The following DTNA variants were observed in gnomAD, a reference collection of about 807,000 sequenced individuals.
DTNA encodes the protein dystrobrevin alpha.
Under a neutral mutation model 100.7 loss-of-function variants are expected in DTNA, and 43 were observed. That is an observed-to-expected ratio of 0.43 (90% CI 0.33 to 0.55). DTNA has a LOEUF of 0.55. DTNA is among the 20% of genes least tolerant of loss of function. DTNA has a pLI of 0.04. For synonymous variants in DTNA, 349 were observed against 347.9 expected (o/e 1.00, Z -0.04); for missense variants, 798 against 953.9 (o/e 0.84, Z 2.15).
At chr18:34,768,595 C>A (rs780478941) in intron 3 of DTNA, among the ~76,000 whole-genome samples, 48 of 152,172 alleles carry the variant, frequency 3.2e-4, no homozygotes, top group Non-Finnish European at 6.0e-4. Flanking sequence ...CCTTATCCTG[C>A]ATCCAGAATT....
At position 34,677,795 on chromosome 18, in the gene DTNA, A is replaced by G. The variant is rs569782989; in HGVS notation, c.-1-78181A>G. ...CAAACAGAAGATGTATATGCCTAGA[A>G]TCATAGCACAGGGAAAGACTGTTGG... On this transcript the variant is annotated intron_variant, in intron 1 of 19. Transcript: ENST00000283365. 4.7e-4 allele frequency among the ~76,000 whole-genome samples: 71 copies of G among 152,318 alleles called. 1 individual carries two copies. The South Asian group carries it at 0.014, about 31-fold the overall frequency.
chr18:34,840,439 T>C (rs2096247411), intron 13 of DTNA, among the ~76,000 whole-genome samples: 1 of 151,242 alleles, frequency 6.6e-6, no homozygotes, highest in Non-Finnish European at 1.5e-5. Context: ...GTAGATTCAA[T>C]TGTAAGACTA....
chr18:34,860,584 G>A (rs1027050747), intron 16 of DTNA, among the ~76,000 whole-genome samples: 3 of 152,112 alleles, frequency 2.0e-5, no homozygotes, highest in Non-Finnish European at 2.9e-5. Context: ...GGATGTTTCC[G>A]GAGGCTCTAT....
chr18:34,608,111 A>G (rs148832682), intron 1 of DTNA, among the ~76,000 whole-genome samples: 1 of 152,300 alleles, frequency 6.6e-6, no homozygotes, highest in Non-Finnish European at 1.5e-5. Context: ...GACAGACTCA[A>G]TTATAATTTT....
intron 1 of DTNA, among the ~76,000 whole-genome samples, chr18:34,679,841 G>A (rs572833614): frequency 6.6e-6 from 1 of 152,146 alleles, no homozygotes; most frequent in Non-Finnish European, 1.5e-5. Context: ...CATCTGAACT[G>A]TGAGCTATAT....
intron 1 of DTNA, among the ~76,000 whole-genome samples, chr18:34,570,442 G>A (rs1169257713): frequency 6.6e-6 from 1 of 152,192 alleles, no homozygotes; most frequent in Non-Finnish European, 1.5e-5. Context: ...CTCTTTGAAA[G>A]CAGGGACAGA....
intron 1 of DTNA, among the ~76,000 whole-genome samples, chr18:34,696,654 A>G (rs954341578): frequency 1.3e-5 from 2 of 152,186 alleles, no homozygotes; most frequent in Non-Finnish European, 2.9e-5. Flanking sequence ...CACCTCATGC[A>G]CTGCCATTGC....
Position 34,879,571 on chromosome 18 carries a change from A to C in DTNA, c.2014A>C (p.Ser672Arg). The C allele has an allele frequency of 6.2e-7, 1 of 1,614,030 alleles. No individual in the cohort carries two copies. The highest frequency in any genetic ancestry group is 1.3e-5 in the African/African-American group (1 of 74,998). The change falls in exon 20 of 23, where the codon AGT becomes CGT. Residue 672 changes from serine to arginine, a missense_variant. By Grantham distance (110) the Ser-to-Arg change is moderately radical. Coordinates refer to ENST00000444659, the MANE Select transcript of DTNA (RefSeq NM_001386795.1). ...GCTAGAGGTTGGGAGTGAAACAGAG[A>C]GTAATGTGGATTCTGAATTTGCACG... ...LNSEVGSETE[S>R]NVDSEFARTQ... is the part of the protein sequence containing the mutation.
chr18:34,819,987 TACTTTCA>T (rs2095672237), intron 8 of DTNA, among the ~76,000 whole-genome samples: 3 of 147,752 alleles, frequency 2.0e-5, no homozygotes, highest in Admixed American at 6.7e-5. Context: ...TTTTTGCCAT[TACTTTCA>T]AATGGCAAAA....
intron 1 of DTNA, among the ~76,000 whole-genome samples, chr18:34,673,502 A>T (rs2077025717): frequency 6.7e-6 from 1 of 148,318 alleles, no homozygotes; most frequent in Non-Finnish European, 1.5e-5. Context: ...CAACAGAAAG[A>T]TACGCAGAGC....
intron 17 of DTNA, among the ~76,000 whole-genome samples, chr18:34,865,618 G>T (rs1045615572): frequency 6.6e-6 from 1 of 152,046 alleles, no homozygotes; most frequent in Non-Finnish European, 1.5e-5. Context: ...GCTGTTTCTG[G>T]CCTGTTAATC....
intron 1 of DTNA, among the ~76,000 whole-genome samples, chr18:34,653,410 G>C (rs1224287089): frequency 6.6e-6 from 1 of 151,914 alleles, no homozygotes; most frequent in African/African-American, 2.4e-5. Flanking sequence ...TACTAGAATT[G>C]AATTCTGCTT....
At chr18:34,638,643 A>G (rs978129606) in intron 1 of DTNA, among the ~76,000 whole-genome samples, 3 of 152,238 alleles carry the variant, frequency 2.0e-5, no homozygotes, top group African/African-American at 4.8e-5. Context: ...TCTATATGGG[A>G]ACATGCTACC....
intron 1 of DTNA, among the ~76,000 whole-genome samples, chr18:34,604,923 T>C (rs887558220): frequency 1.3e-5 from 2 of 152,166 alleles, no homozygotes; most frequent in Non-Finnish European, 2.9e-5. Flanking sequence ...AGAGTATGCT[T>C]TCTGAGAATT....
chr18:34,791,897 A>G (rs563579100), intron 3 of DTNA, among the ~76,000 whole-genome samples: 1 of 152,320 alleles, frequency 6.6e-6, no homozygotes, highest in Admixed American at 6.5e-5. Context: ...GAAGGAAGTG[A>G]GACTCTAAGT....
At chr18:34,829,065 C>T (rs999735818) in intron 10 of DTNA, 7 of 1,614,086 alleles carry the variant, frequency 4.3e-6, no homozygotes, top group Non-Finnish European at 5.9e-6. Flanking sequence ...TTGGTGGATG[C>T]GTCTAGATGG....
intron 1 of DTNA, among the ~76,000 whole-genome samples, chr18:34,719,657 A>G (rs566287724): frequency 6.6e-6 from 1 of 152,330 alleles, no homozygotes; most frequent in African/African-American, 2.4e-5. Flanking sequence ...ATCATTATGT[A>G]ATAAGATTTA....
At chr18:34,530,134 A>G (rs2043006414) in intron 1 of DTNA, among the ~76,000 whole-genome samples, 1 of 152,126 alleles carries the variant, frequency 6.6e-6, no homozygotes, top group Non-Finnish European at 1.5e-5. Context: ...TAGCTGATAC[A>G]GATGAGCTGG....
chr18:34,810,357 A>T (rs2095459080), intron 5 of DTNA, among the ~76,000 whole-genome samples: 1 of 152,144 alleles, frequency 6.6e-6, no homozygotes, highest in Non-Finnish European at 1.5e-5. Context: ...CAGCCATAAA[A>T]AAGAATGAAA....
Sources: gnomAD v4.1 joint callset for allele counts (sites outside exome capture counted in the v4.1 genomes callset) on GRCh38, gnomAD v4.1.1 for gene constraint, MANE v1.5 for transcripts, NCBI Gene and HGNC (gene_info 2026-07-23, HGNC 2026-07-21) for gene names.